Variants in SLC2A13 observed in about 807,000 individuals in gnomAD.
SLC2A13 encodes solute carrier family 2 member 13.
SLC2A13 carries 32 observed loss-of-function variants against 64.4 expected under a neutral mutation model. The observed-to-expected ratio is 0.50, with a 90% CI of 0.37 to 0.67. The LOEUF (loss-of-function observed/expected upper bound fraction) is 0.67, where lower values mean the gene tolerates loss of function less well. SLC2A13 is among the 30% of genes least tolerant of loss of function. SLC2A13 has a pLI of 0.00. For missense variants in SLC2A13, 743 were observed against 829.2 expected (o/e 0.90, Z 1.28); for synonymous variants, 338 against 327.1 (o/e 1.03, Z -0.36).
chr12:39,971,568 C>T (rs1297740620), intron 3 of SLC2A13, among the ~76,000 whole-genome samples: 2 of 152,262 alleles, frequency 1.3e-5, no homozygotes, highest in East Asian at 3.9e-4. Flanking sequence ...TTCTTTATGA[C>T]AGGGAGTAAA....
intron 3 of SLC2A13, among the ~76,000 whole-genome samples, chr12:40,004,180 A>G (rs11174703): frequency 2.0e-5 from 3 of 152,102 alleles, no homozygotes; most frequent in African/African-American, 7.2e-5. Flanking sequence ...CAAATACTAT[A>G]CAATTTTATT....
intron 1 of SLC2A13, among the ~76,000 whole-genome samples, chr12:40,048,763 G>T (rs957154424): frequency 6.6e-6 from 1 of 152,074 alleles, no homozygotes; most frequent in Non-Finnish European, 1.5e-5. Flanking sequence ...TACAGCTAAG[G>T]TGTATTTGAT....
intron 3 of SLC2A13, among the ~76,000 whole-genome samples, chr12:39,981,547 C>T (rs1946899052): frequency 6.7e-6 from 1 of 148,504 alleles, no homozygotes; most frequent in African/African-American, 2.5e-5. Flanking sequence ...ACTACAAACA[C>T]CTCTACGCAA....
intron 3 of SLC2A13, among the ~76,000 whole-genome samples, chr12:40,005,447 G>T (rs1947399188): frequency 6.6e-6 from 1 of 152,044 alleles, no homozygotes; most frequent in Non-Finnish European, 1.5e-5. Context: ...GTGGAGTATG[G>T]TGATCACTTA....
intron 4 of SLC2A13, among the ~76,000 whole-genome samples, chr12:39,896,481 T>C (rs943006965): frequency 6.1e-5 from 9 of 147,878 alleles, no homozygotes; most frequent in Non-Finnish European, 1.0e-4. Context: ...TATGTATATG[T>C]GTATATATGT....
At chr12:39,763,260 G>A (rs934559213) in intron 9 of SLC2A13, among the ~76,000 whole-genome samples, 1 of 151,984 alleles carries the variant, frequency 6.6e-6, no homozygotes, top group African/African-American at 2.4e-5. Context: ...TATTTCAAAT[G>A]TCTTAAGTGG....
intron 3 of SLC2A13, among the ~76,000 whole-genome samples, chr12:40,023,427 C>T (rs1447279978): frequency 6.6e-6 from 1 of 152,164 alleles, no homozygotes; most frequent in Non-Finnish European, 1.5e-5. Context: ...CCTTTCATCT[C>T]CTCTCAGGGT....
intron 7 of SLC2A13, among the ~76,000 whole-genome samples, chr12:39,824,613 G>C (rs1257440603): frequency 6.6e-6 from 1 of 152,148 alleles, no homozygotes; most frequent in Admixed American, 6.5e-5. Flanking sequence ...GTGTCTCCTG[G>C]AAATCTCCAG....
intron 7 of SLC2A13, among the ~76,000 whole-genome samples, chr12:39,792,954 T>C (rs1592142697): frequency 6.6e-6 from 1 of 152,164 alleles, no homozygotes; most frequent in Admixed American, 6.6e-5. Flanking sequence ...GAACTTTAAG[T>C]AGGCATATAT....
chr12:40,096,857 T>C (rs1471419074), intron 1 of SLC2A13, among the ~76,000 whole-genome samples: 1 of 152,194 alleles, frequency 6.6e-6, no homozygotes, highest in African/African-American at 2.4e-5. Context: ...AGTATCATCT[T>C]GGGATTTTCA....
intron 3 of SLC2A13, among the ~76,000 whole-genome samples, chr12:39,958,733 G>A (rs1236145611): frequency 2.6e-5 from 4 of 152,030 alleles, no homozygotes; most frequent in African/African-American, 9.7e-5. Flanking sequence ...CAATTTTTGG[G>A]TAATCTGTTT....
chr12:40,093,880 A>G (rs887570208), intron 1 of SLC2A13, among the ~76,000 whole-genome samples: 21 of 152,144 alleles, frequency 1.4e-4, no homozygotes, highest in African/African-American at 4.8e-4. Context: ...TGGGGAGCTA[A>G]TCAGGGGCTT....
chr12:39,851,644 A>T (rs1356228362), intron 6 of SLC2A13, among the ~76,000 whole-genome samples: 1 of 152,198 alleles, frequency 6.6e-6, no homozygotes, highest in Non-Finnish European at 1.5e-5. Context: ...CAATTCAGAT[A>T]CACACATAGG....
chr12:39,839,769 C>A (rs1943130409), intron 6 of SLC2A13, among the ~76,000 whole-genome samples: 1 of 152,028 alleles, frequency 6.6e-6, no homozygotes, highest in Non-Finnish European at 1.5e-5. Context: ...GCCCCCATGA[C>A]CTCTTTCTTT....
intron 2 of SLC2A13, among the ~76,000 whole-genome samples, chr12:40,034,636 C>A (rs1160367370): frequency 6.6e-6 from 1 of 152,142 alleles, no homozygotes; most frequent in Non-Finnish European, 1.5e-5. Flanking sequence ...TTCTGAATAG[C>A]TCAGAGGAAT....
intron 7 of SLC2A13, among the ~76,000 whole-genome samples, chr12:39,786,524 T>C (rs1941195070): frequency 1.3e-5 from 2 of 152,186 alleles, no homozygotes; most frequent in Admixed American, 6.5e-5. Context: ...TTCTAACTTA[T>C]AAGGGAAGAG....
Position 40,018,968 on chromosome 12 carries a change from G to A in SLC2A13, c.925+9333C>T, listed in dbSNP as rs79980650. Among the ~76,000 whole-genome samples the A allele has an allele frequency of 4.5e-3, 683 of 152,242 alleles. 2 individuals are homozygous for A. Among genetic ancestry groups the A allele is most frequent in the Non-Finnish European group, 7.8e-3 (531 of 68,024 alleles). Reference sequence around the variant, plus strand: ...GATACATTCAAACAAGATTGTAAAGGAAGTTTAATAATAAGTTAAGGAACA... The same window carrying A: ...GATACATTCAAACAAGATTGTAAAGAAAGTTTAATAATAAGTTAAGGAACA... On this transcript the variant is annotated intron_variant, in intron 3 of 9. Coordinates refer to ENST00000280871, the MANE Select transcript of SLC2A13 (RefSeq NM_052885.4).
intron 7 of SLC2A13, among the ~76,000 whole-genome samples, chr12:39,822,127 T>A (rs992590043): frequency 1.3e-4 from 18 of 139,608 alleles, no homozygotes; most frequent in African/African-American, 4.6e-4. Context: ...TGTCCATGTG[T>A]TCTCATTGTT....
chr12:40,103,534 A>G (rs1939210014), intron 1 of SLC2A13, among the ~76,000 whole-genome samples: 1 of 152,340 alleles, frequency 6.6e-6, no homozygotes, highest in Non-Finnish European at 1.5e-5. Context: ...AACAGGGCTC[A>G]ATTCGCAGGT....
Sources: gnomAD v4.1 joint callset for allele counts (sites outside exome capture counted in the v4.1 genomes callset) on GRCh38, gnomAD v4.1.1 for gene constraint, MANE v1.5 for transcripts, NCBI Gene and HGNC (gene_info 2026-07-23, HGNC 2026-07-21) for gene names.